The following KIF26B variants were observed in gnomAD, a reference collection of about 807,000 sequenced individuals.
The protein encoded by KIF26B is kinesin family member 26B.
Under a neutral mutation model 151.2 loss-of-function variants are expected in KIF26B, and 63 were observed. That is an observed-to-expected ratio of 0.42 (90% CI 0.34 to 0.51). KIF26B has a LOEUF of 0.51. Ranked by LOEUF, KIF26B falls within the 20% of genes least tolerant of loss-of-function variation. The pLI is 0.07. For synonymous variants in KIF26B, 1,357 were observed against 1,262.1 expected (o/e 1.08, Z -1.59); for missense variants, 2,813 against 2,913.6 (o/e 0.97, Z 0.79).
chr1:245,701,071 G>T (rs954742476), intron 14 of KIF26B, among the ~76,000 whole-genome samples: 1 of 152,328 alleles, frequency 6.6e-6, no homozygotes, highest in South Asian at 2.1e-4. Flanking sequence ...GGAACAAGCT[G>T]AAACATCAAT....
chr1:245,521,340 TAAA>T (rs5782356), intron 4 of KIF26B, among the ~76,000 whole-genome samples: 66 of 136,234 alleles, frequency 4.8e-4, no homozygotes, highest in East Asian at 8.3e-4. Context: ...GACTCCGTCT[TAAA>T]AAAAAAAAAA....
chr1:245,297,443 T>C (rs953119072), intron 2 of KIF26B, among the ~76,000 whole-genome samples: 5 of 152,212 alleles, frequency 3.3e-5, no homozygotes, highest in African/African-American at 1.2e-4. Flanking sequence ...CACAGCCAAG[T>C]GGAAGGCAGA....
At chr1:245,500,578 C>G (rs774930100) in intron 4 of KIF26B, among the ~76,000 whole-genome samples, 1 of 152,182 alleles carries the variant, frequency 6.6e-6, no homozygotes, top group African/African-American at 2.4e-5. Flanking sequence ...AATTGGCAAG[C>G]GTTTCATCTC....
intron 2 of KIF26B, among the ~76,000 whole-genome samples, chr1:245,252,002 G>A (rs1670453334): frequency 6.6e-6 from 1 of 152,066 alleles, no homozygotes; most frequent in African/African-American, 2.4e-5. Context: ...GCTTGGCCTG[G>A]TGGCTCATGC....
chr1:245,456,843 TTTTTTA>T (rs1213220733), intron 4 of KIF26B, among the ~76,000 whole-genome samples: 19 of 152,220 alleles, frequency 1.2e-4, no homozygotes, highest in African/African-American at 4.3e-4. Context: ...TGCTTTTTCA[TTTTTTA>T]TTTTTATTTT....
At chr1:245,397,520 T>C (rs1433656935) in intron 3 of KIF26B, among the ~76,000 whole-genome samples, 4 of 152,164 alleles carry the variant, frequency 2.6e-5, no homozygotes, top group African/African-American at 9.7e-5. Flanking sequence ...CTGGCCCACA[T>C]GTTCATTTCT....
chr1:245,555,526 C>T (rs73135652), intron 5 of KIF26B, among the ~76,000 whole-genome samples: 4,500 of 152,068 alleles, frequency 0.03, 243 homozygotes, highest in African/African-American at 0.1. Context: ...GATGAGCGGG[C>T]GGTTGGGGGT....
chr1:245,521,266 G>A (rs904582546), intron 4 of KIF26B, among the ~76,000 whole-genome samples: 1 of 151,890 alleles, frequency 6.6e-6, no homozygotes, highest in African/African-American at 2.4e-5. Context: ...GAACCCGGGA[G>A]GCGGAGCTTG....
intron 5 of KIF26B, among the ~76,000 whole-genome samples, chr1:245,562,773 T>A (rs913740070): frequency 6.6e-6 from 1 of 152,096 alleles, no homozygotes; most frequent in African/African-American, 2.4e-5. Flanking sequence ...AGTGGTGCAG[T>A]CATAGCTTAC....
At position 245,565,321 on chromosome 1, in the gene KIF26B, C is replaced by T. The variant is rs2042999155; in HGVS notation, c.1350+24371C>T. Among the ~76,000 whole-genome samples, 3 of 150,034 alleles carry T rather than the reference C, an allele frequency of 2.0e-5. 1 individual carries two copies. Among genetic ancestry groups the T allele is most frequent in the African/African-American group, 4.9e-5 (2 of 40,684 alleles). ...TTTTTTATTTTGAGACAGAGTCTCA[C>T]TCTGTTGCCCAGGCTGGAGTGCAGT... On this transcript the variant is annotated intron_variant, in intron 5 of 14. Coordinates refer to ENST00000407071, the MANE Select transcript of KIF26B (RefSeq NM_018012.4).
chr1:245,638,852 A>G (rs1477615993), intron 9 of KIF26B, among the ~76,000 whole-genome samples: 1 of 151,870 alleles, frequency 6.6e-6, no homozygotes, highest in Admixed American at 6.6e-5. Context: ...ATTATGGTGA[A>G]TGGTCTTTTT....
At chr1:245,661,383 T>C (rs1024452028) in intron 10 of KIF26B, among the ~76,000 whole-genome samples, 6 of 152,030 alleles carry the variant, frequency 3.9e-5, no homozygotes, top group African/African-American at 1.5e-4. Context: ...CTTTTAAGCC[T>C]TGCAAAGGCA....
rs191612532 is a variant in KIF26B at position 245,474,427 on chromosome 1, T to G, written c.1166+54682T>G. Among the ~76,000 whole-genome samples, 1,475 of 149,414 alleles carry G rather than the reference T, an allele frequency of 9.9e-3. 29 individuals are homozygous for G. Among genetic ancestry groups the G allele is most frequent in the African/African-American group, 0.016 (668 of 40,748 alleles). The stretch of plus-strand genomic sequence containing the variant: ...CTGGCTTTTTTTTGTTGTTGTTTTT[T>G]TTTTTTTGGAGTCTCACTCTGTCGC... On this transcript the variant is annotated intron_variant, in intron 4 of 14. Coordinates refer to ENST00000407071, the MANE Select transcript of KIF26B (RefSeq NM_018012.4).
In KIF26B at chr1:245,284,023, C is replaced by CA. The variant is rs1330033218; in HGVS notation, c.466-82809dup. 3.9e-5 allele frequency among the ~76,000 whole-genome samples: 6 copies of CA among 152,328 alleles called. No homozygotes were observed. In the East Asian group the frequency reaches 1.2e-3, roughly 29 times the overall value. On this transcript the variant is annotated intron_variant, in intron 2 of 14. Coordinates refer to ENST00000407071, the MANE Select transcript of KIF26B (RefSeq NM_018012.4). ...GAGCAGCACTTTTGAAGTCCCTACG[C>CA]AATGCGGCTTCCCTCATCCCTCCTT...
chr1:245,500,758 G>A (rs945963534), intron 4 of KIF26B, among the ~76,000 whole-genome samples: 1 of 152,246 alleles, frequency 6.6e-6, no homozygotes, highest in Admixed American at 6.5e-5. Flanking sequence ...CGAAGAGCTG[G>A]GCAGGGGCCT....
chr1:245,524,836 C>T (rs1446482972), intron 4 of KIF26B, among the ~76,000 whole-genome samples: 1 of 152,106 alleles, frequency 6.6e-6, no homozygotes, highest in African/African-American at 2.4e-5. Context: ...ACTTCTCAAC[C>T]CACTGAAATG....
At chr1:245,200,798 G>A (rs894013942) in intron 2 of KIF26B, among the ~76,000 whole-genome samples, 38 of 152,262 alleles carry the variant, frequency 2.5e-4, no homozygotes, top group African/African-American at 8.7e-4. Flanking sequence ...TATAGGCAGG[G>A]CTGATTGAGG....
chr1:245,484,020 A>C (rs1332324102), intron 4 of KIF26B, among the ~76,000 whole-genome samples: 1 of 151,592 alleles, frequency 6.6e-6, no homozygotes, highest in Non-Finnish European at 1.5e-5. Flanking sequence ...CCTCATTCTA[A>C]TGCCCTCTCT....
At chr1:245,401,308 A>C (rs1186942182) in intron 3 of KIF26B, among the ~76,000 whole-genome samples, 1 of 152,214 alleles carries the variant, frequency 6.6e-6, no homozygotes, top group Non-Finnish European at 1.5e-5. Flanking sequence ...GAAGCCGCAG[A>C]TCAGCCATAA....
Sources: allele counts gnomAD v4.1 joint callset (sites outside exome capture counted in the v4.1 genomes callset), GRCh38; gene constraint gnomAD v4.1.1; transcripts MANE v1.5; gene names NCBI Gene and HGNC (gene_info 2026-07-23, HGNC 2026-07-21).